The following TMEM165 variants were observed in gnomAD, a reference collection of about 807,000 sequenced individuals.
TMEM165 encodes transmembrane protein 165.
TMEM165 carries 19 observed loss-of-function variants against 30.0 expected under a neutral mutation model. The observed-to-expected ratio is 0.63, with a 90% CI of 0.44 to 0.93. The LOEUF (loss-of-function observed/expected upper bound fraction) is 0.93. TMEM165 is among the 40% of genes least tolerant of loss of function. The probability of loss-of-function intolerance (pLI) is 0.00; values close to 1 mark genes in which losing one functional copy is unlikely to be tolerated. For synonymous variants in TMEM165, 168 were observed against 162.9 expected (o/e 1.03, Z -0.24); for missense variants, 340 against 417.0 (o/e 0.82, Z 1.61).
intron 4 of TMEM165, among the ~76,000 whole-genome samples, chr4:55,419,248 A>G (rs1721867176): frequency 6.6e-6 from 1 of 152,118 alleles, no homozygotes; most frequent in African/African-American, 2.4e-5. Context: ...CAGCCTCGCA[A>G]ATAATCCTTC....
chr4:55,417,853 A>G lies in TMEM165; in HGVS notation c.660A>G (p.Thr220=), dbSNP rs762748207. ...GACCGGGAGATGTTGAAACGGGTACAAGCATAACAGTACCTCAGAAAAAGT... is the reference window on the plus strand; with the variant it reads ...GACCGGGAGATGTTGAAACGGGTACGAGCATAACAGTACCTCAGAAAAAGT... The part of the protein sequence containing the change: ...LNGPGDVETG[T]SITVPQKKWL... Residue 220 remains threonine, a synonymous_variant, in exon 4 of 6, where the codon ACA becomes ACG. Coordinates refer to ENST00000381334, the MANE Select transcript of TMEM165 (RefSeq NM_018475.5). 1 of 1,613,904 alleles carries G rather than the reference A, an allele frequency of 6.2e-7. No homozygotes were observed. The highest frequency in any genetic ancestry group is 1.7e-5 in the Admixed American group (1 of 59,974).
chr4:55,449,423 C>A (rs1322516255), intron 3 of TMEM165: 1 of 1,613,952 alleles, frequency 6.2e-7, no homozygotes, highest in Non-Finnish European at 8.5e-7. Context: ...ACCTTCTTTG[C>A]ACCATCTTCT....
chr4:55,418,078 GCATTCCTT>G, intron 4 of TMEM165, 93 bp downstream of exon 4: 1 of 1,211,822 alleles, frequency 8.3e-7, no homozygotes, highest in Non-Finnish European at 1.1e-6. Flanking sequence ...GTGGGCCACA[GCATTCCTT>G]CATATGCAAG....
Position 55,453,183 on chromosome 4 carries a change from C to A in TMEM165, c.*877C>A, listed in dbSNP as rs11240. On this transcript the variant is annotated 3_prime_UTR_variant, in exon 4 of 4. Coordinates refer to the TMEM165 transcript ENST00000608091. ...AGTGTCTGGTCATTCGTTTAAAATA[C>A]TGCACAGCTGTAACTATTCAGTGTT... The A allele has an allele frequency of 5.2e-6, 7 of 1,357,384 alleles. No individual in the cohort carries two copies. In the East Asian group the frequency reaches 1.6e-4, roughly 31 times the overall value. The allele number at this position is 1,357,384 out of a possible 1,614,324, so 84.1% of individuals were successfully genotyped here. A position where few individuals can be genotyped will look rare whatever the true frequency, so the allele number is the denominator to read the frequency against.
chr4:55,425,038 T>G (rs1241521714), intron 5 of TMEM165, among the ~76,000 whole-genome samples: 2 of 152,248 alleles, frequency 1.3e-5, no homozygotes, highest in Non-Finnish European at 2.9e-5. Context: ...AAGAATCGTC[T>G]CTTTGCTAGT....
intron 3 of TMEM165, chr4:55,443,911 A>G: frequency 6.2e-7 from 1 of 1,605,986 alleles, no homozygotes; most frequent in Non-Finnish European, 8.5e-7. Context: ...AAAAATAAAG[A>G]TTATGTTAAA....
chr4:55,418,039 T>C, intron 4 of TMEM165, 54 bp downstream of exon 4: 1 of 1,515,882 alleles, frequency 6.6e-7, no homozygotes, highest in Non-Finnish European at 8.9e-7. Flanking sequence ...TATTATTACT[T>C]TGTTCCAGAA....
intron 1 of TMEM165, among the ~76,000 whole-genome samples, chr4:55,400,982 A>G (rs1038230759): frequency 2.7e-5 from 4 of 150,640 alleles, no homozygotes; most frequent in African/African-American, 1.0e-4. Context: ...TACATGCAGT[A>G]GATGTTTTAA....
At chr4:55,439,571 A>G (rs1233688395) in intron 3 of TMEM165, among the ~76,000 whole-genome samples, 1 of 152,180 alleles carries the variant, frequency 6.6e-6, no homozygotes, top group African/African-American at 2.4e-5. Context: ...CCATAATCAT[A>G]AGCAGCATTA....
chr4:55,400,590 A>G (rs1720959865), intron 1 of TMEM165, among the ~76,000 whole-genome samples: 1 of 148,258 alleles, frequency 6.7e-6, no homozygotes, highest in Non-Finnish European at 1.5e-5. Flanking sequence ...GGCGCCCGCC[A>G]CCATGCCCGC....
At chr4:55,421,470 G>A (rs1721973137) in intron 4 of TMEM165, among the ~76,000 whole-genome samples, 1 of 151,534 alleles carries the variant, frequency 6.6e-6, no homozygotes, top group Non-Finnish European at 1.5e-5. Flanking sequence ...GGCTAATTTT[G>A]TATTTTTTGT....
chr4:55,435,855 G>C (rs909625422), intron 3 of TMEM165, among the ~76,000 whole-genome samples: 1 of 152,162 alleles, frequency 6.6e-6, no homozygotes, highest in African/African-American at 2.4e-5. Context: ...TCTATATCTT[G>C]AGCCAAATCA....
chr4:55,416,724 A>C (rs1006776559), intron 2 of TMEM165, among the ~76,000 whole-genome samples: 2 of 152,180 alleles, frequency 1.3e-5, no homozygotes, highest in African/African-American at 4.8e-5. Flanking sequence ...CTCAGAGCTA[A>C]CTTCTACCCC....
intron 1 of TMEM165, among the ~76,000 whole-genome samples, chr4:55,410,870 C>T (rs1298679140): frequency 1.3e-5 from 2 of 152,116 alleles, no homozygotes; most frequent in African/African-American, 2.4e-5. Context: ...TGGTGGCTCA[C>T]GCCTGTAATC....
At chr4:55,411,868 C>A in intron 2 of TMEM165, 29 bp downstream of exon 2, 1 of 1,600,564 alleles carries the variant, frequency 6.2e-7, no homozygotes, top group Non-Finnish European at 8.6e-7. Context: ...CTCATGAGTT[C>A]GCTGAATTAA....
At chr4:55,420,081 G>A (rs1277734054) in intron 4 of TMEM165, among the ~76,000 whole-genome samples, 2 of 113,204 alleles carry the variant, frequency 1.8e-5, no homozygotes, top group Non-Finnish European at 3.6e-5. Context: ...AGGTGACAGA[G>A]TGAGACACTA....
At chr4:55,443,715 T>C (rs1277051320) in intron 3 of TMEM165, 1 of 1,614,114 alleles carries the variant, frequency 6.2e-7, no homozygotes, top group South Asian at 1.1e-5. Flanking sequence ...TAAAGTCTGT[T>C]GTTGTATCAT....
intron 3 of TMEM165, chr4:55,448,736 TATC>T: frequency 6.7e-7 from 1 of 1,502,828 alleles, no homozygotes; most frequent in Non-Finnish European, 9.2e-7. Context: ...AAAAGCAATT[TATC>T]ATATTCAAAT....
chr4:55,448,744 T>G (rs944928292), intron 3 of TMEM165: 6 of 1,532,452 alleles, frequency 3.9e-6, no homozygotes, highest in Non-Finnish European at 5.4e-6. Context: ...TTTATCATAT[T>G]CAAATACGCA....
Sources: allele counts gnomAD v4.1 joint callset (sites outside exome capture counted in the v4.1 genomes callset), GRCh38; gene constraint gnomAD v4.1.1; transcripts MANE v1.5; gene names NCBI Gene and HGNC (gene_info 2026-07-23, HGNC 2026-07-21).